The following TM2D3 variants were observed in gnomAD, a reference collection of about 807,000 sequenced individuals.
TM2D3 encodes TM2 domain-containing protein 3.
TM2D3 carries 33 observed loss-of-function variants against 27.3 expected under a neutral mutation model. The observed-to-expected ratio is 1.21, with a 90% CI of 0.92 to 1.61. TM2D3 has a LOEUF of 1.61. TM2D3 is among the 40% of genes most tolerant of loss of function. TM2D3 has a pLI of 0.00. For missense variants in TM2D3, 364 were observed against 320.8 expected (o/e 1.13, Z -1.03); for synonymous variants, 138 against 122.2 (o/e 1.13, Z -0.85).
At chr15:101,651,975 AC>A (rs1896989772) in intron 1 of TM2D3, 1 of 604,010 alleles carries the variant, frequency 1.7e-6, no homozygotes, top group Non-Finnish European at 2.9e-6. Context: ...GCAACGAGGG[AC>A]CGAAGGATGA....
chr15:101,638,705 T>A (rs1896603911), downstream of TM2D3, among the ~76,000 whole-genome samples: 1 of 152,146 alleles, frequency 6.6e-6, no homozygotes, highest in African/African-American at 2.4e-5. Flanking sequence ...TTTTTTGACG[T>A]TTTTGGCATT....
chr15:101,636,638 G>A (rs1378777027), intron 4 of TM2D3: 1 of 177,572 alleles, frequency 5.6e-6, no homozygotes, highest in Non-Finnish European at 1.2e-5. Flanking sequence ...CCCCATTTTG[G>A]TGCTGACAAC....
intron 2 of TM2D3, 119 bp downstream of exon 2, chr15:101,651,577 T>C (rs1896969150): frequency 6.9e-6 from 7 of 1,011,620 alleles, no homozygotes; most frequent in Admixed American, 4.4e-5. Context: ...TAATCTAAAA[T>C]ACAATAAATA....
At chr15:101,648,562 G>A (rs1017092802) in intron 3 of TM2D3, among the ~76,000 whole-genome samples, 2 of 152,166 alleles carry the variant, frequency 1.3e-5, no homozygotes, top group Non-Finnish European at 2.9e-5. Flanking sequence ...TGGCCCAGCC[G>A]CCGGGAGCCC....
Position 101,652,306 on chromosome 15 carries a change from A to G in TM2D3, c.56T>C (p.Leu19Pro), listed in dbSNP as rs1266706368. 1.9e-6 allele frequency: 3 copies of G among 1,603,694 alleles called. No homozygotes were observed. The highest frequency in any genetic ancestry group is 2.3e-5 in the East Asian group (1 of 43,808). ...CAGAATGCAGAACTGCGAGAGGAAG[A>G]GCAGCACGCGACACAAGGCGCGGAG... ...RGLRALCRVL[L>P]FLSQFCILSG... The change falls in exon 1 of 6, where the codon CTC becomes CCC. Residue 19 changes from leucine to proline, a missense_variant. By Grantham distance (98) the Leu-to-Pro change is moderately conservative. Coordinates refer to ENST00000333202, the MANE Select transcript of TM2D3 (RefSeq NM_078474.3).
At chr15:101,651,802 A>T (rs763740956) in intron 1 of TM2D3, 29 bp from the exon 2 acceptor site, 1 of 1,611,072 alleles carries the variant, frequency 6.2e-7, no homozygotes, top group Non-Finnish European at 8.5e-7. Context: ...CAATTAGAGA[A>T]ACACGTTATC....
intron 1 of TM2D3, chr15:101,652,066 G>A (rs1213942710): frequency 1.8e-6 from 1 of 560,404 alleles, no homozygotes; most frequent in Non-Finnish European, 3.1e-6. Flanking sequence ...CCGCGATGGC[G>A]GGCTCGGTGT....
chr15:101,651,566 A>G (rs1211189119), intron 2 of TM2D3, 130 bp downstream of exon 2: 2 of 921,680 alleles, frequency 2.2e-6, no homozygotes, highest in Non-Finnish European at 3.4e-6. Flanking sequence ...CTTAATTCAC[A>G]TAATCTAAAA....
At chr15:101,640,126 T>C (rs1027736352), downstream of TM2D3, among the ~76,000 whole-genome samples, 2 of 152,222 alleles carry the variant, frequency 1.3e-5, no homozygotes, top group Admixed American at 1.3e-4. Flanking sequence ...ATCATATCCC[T>C]GGGTCAGAGC....
chr15:101,635,955 T>G (rs1027123995), intron 4 of TM2D3: 29 of 152,166 alleles, frequency 1.9e-4, no homozygotes, highest in African/African-American at 7.0e-4. Flanking sequence ...GTGTGGTTAC[T>G]GAGCCGTTTC....
chr15:101,646,073 G>A (rs1896797633), intron 4 of TM2D3: 1 of 152,228 alleles, frequency 6.6e-6, no homozygotes, highest in African/African-American at 2.4e-5. Flanking sequence ...AAAGAAATTT[G>A]AACAGTCACA....
chr15:101,633,736 C>G (rs1003704631), intron 4 of TM2D3: 10 of 1,523,898 alleles, frequency 6.6e-6, no homozygotes, highest in African/African-American at 1.4e-5. Flanking sequence ...AGACTATACC[C>G]AAAAAGAAGA....
intron 3 of TM2D3, among the ~76,000 whole-genome samples, chr15:101,647,416 T>C (rs1375518812): frequency 6.6e-6 from 1 of 152,120 alleles, no homozygotes; most frequent in East Asian, 1.9e-4. Context: ...GTTGCCAACC[T>C]TCCCTAACAT....
At chr15:101,643,557 G>A (rs2141362403) in intron 5 of TM2D3, among the ~76,000 whole-genome samples, 1 of 132,382 alleles carries the variant, frequency 7.6e-6, no homozygotes, top group African/African-American at 2.8e-5. Context: ...AGCCGAGATT[G>A]AGCCACTGCA....
intron 4 of TM2D3, chr15:101,635,922 C>T (rs889459316): frequency 5.9e-5 from 9 of 152,040 alleles, no homozygotes; most frequent in South Asian, 2.1e-4. Flanking sequence ...TGGGTTCTCT[C>T]GTTCCCCTTC....
Position 101,642,725 on chromosome 15 carries a change from G to A in TM2D3, c.579-81C>T, listed in dbSNP as rs927980507. On this transcript the variant is annotated intron_variant, in intron 5 of 5. Coordinates refer to ENST00000333202, the MANE Select transcript of TM2D3 (RefSeq NM_078474.3). ...AGTCACGGTTTAATCACCACATTATGTCAGATTTGAGAAAGGGCTTCCCCT... is the reference window on the plus strand; with the variant it reads ...AGTCACGGTTTAATCACCACATTATATCAGATTTGAGAAAGGGCTTCCCCT... The A allele has an allele frequency of 4.0e-6, 5 of 1,263,886 alleles. No homozygotes were observed. In the African/African-American group the frequency reaches 6.1e-5, roughly 15 times the overall value. 78.3% of individuals were successfully genotyped at this position (1,263,886 alleles called of 1,614,324 possible). A position where few individuals can be genotyped will look rare whatever the true frequency, so the allele number is the denominator to read the frequency against.
intron 4 of TM2D3, chr15:101,633,735 C>A: frequency 6.6e-7 from 1 of 1,525,644 alleles, no homozygotes; most frequent in Non-Finnish European, 8.8e-7. Context: ...CAGACTATAC[C>A]CAAAAAGAAG....
At chr15:101,646,658 T>C (rs749736923) in intron 4 of TM2D3, 67 bp downstream of exon 4, 7 of 1,589,388 alleles carry the variant, frequency 4.4e-6, no homozygotes, top group Non-Finnish European at 6.0e-6. Flanking sequence ...AAATTTCTGG[T>C]TAAAGTCCCT....
downstream of TM2D3, among the ~76,000 whole-genome samples, chr15:101,641,052 C>T (rs1194098265): frequency 6.6e-6 from 1 of 152,210 alleles, no homozygotes; most frequent in East Asian, 1.9e-4. Flanking sequence ...ATTAGATTCT[C>T]TTCTACACAG....
Sources: gnomAD v4.1 joint callset for allele counts (sites outside exome capture counted in the v4.1 genomes callset) on GRCh38, gnomAD v4.1.1 for gene constraint, MANE v1.5 for transcripts, NCBI Gene and HGNC (gene_info 2026-07-23, HGNC 2026-07-21) for gene names.